The following NTM variants were observed in gnomAD, a reference collection of about 807,000 sequenced individuals.
NTM encodes the protein neurotrimin, also known as IgLON family member 2.
In NTM, 13 loss-of-function variants were observed where a neutral mutation model predicts 42.1. That is an observed-to-expected ratio of 0.31 (90% CI 0.20 to 0.49). The LOEUF (loss-of-function observed/expected upper bound fraction) is 0.49. NTM is among the 20% of genes least tolerant of loss of function. NTM has a pLI of 0.99. For missense variants in NTM, 373 were observed against 452.8 expected, an observed-to-expected ratio of 0.82 and a Z score of 1.60; for synonymous variants, 187 against 179.2, an observed-to-expected ratio of 1.04 and a Z score of -0.35.
At chr11:131,511,599 T>C (rs1037006634) in intron 1 of NTM, among the ~76,000 whole-genome samples, 2 of 152,194 alleles carry the variant, frequency 1.3e-5, no homozygotes, top group African/African-American at 4.8e-5. Flanking sequence ...CCCGAGGTTA[T>C]ACATATTACG....
At chr11:132,227,983 A>T (rs902073737) in intron 4 of NTM, among the ~76,000 whole-genome samples, 1 of 152,196 alleles carries the variant, frequency 6.6e-6, no homozygotes, top group Non-Finnish European at 1.5e-5. Flanking sequence ...TTAACCCTGC[A>T]TGACCAGATG....
At chr11:131,967,710 C>CT (rs1371570550) in intron 2 of NTM, among the ~76,000 whole-genome samples, 1 of 152,146 alleles carries the variant, frequency 6.6e-6, no homozygotes, top group South Asian at 2.1e-4. Flanking sequence ...TCTTCTCTCT[C>CT]TTTTTTGCTG....
At chr11:132,100,849 A>C (rs936797033) in intron 2 of NTM, among the ~76,000 whole-genome samples, 2 of 152,218 alleles carry the variant, frequency 1.3e-5, no homozygotes, top group Non-Finnish European at 2.9e-5. Context: ...ACTTTACAAA[A>C]TGGAATTTCA....
intron 1 of NTM, among the ~76,000 whole-genome samples, chr11:131,750,070 A>T (rs2082296749): frequency 6.6e-6 from 1 of 152,170 alleles, no homozygotes; most frequent in South Asian, 2.1e-4. Flanking sequence ...GTTTCCCCTG[A>T]CCTTAGGTGG....
At chr11:131,681,291 G>T (rs1197110822) in intron 1 of NTM, among the ~76,000 whole-genome samples, 1 of 51,736 alleles carries the variant, frequency 1.9e-5, no homozygotes, top group Non-Finnish European at 4.6e-5. Context: ...GTGTGTGAGC[G>T]TGTGTGTTTC....
At chr11:131,479,053 G>A (rs1464192128) in intron 1 of NTM, among the ~76,000 whole-genome samples, 1 of 152,150 alleles carries the variant, frequency 6.6e-6, no homozygotes, top group African/African-American at 2.4e-5. Context: ...GCTTAATAAA[G>A]CCTTGTTTAT....
chr11:131,821,392 A>G (rs541843834), intron 1 of NTM, among the ~76,000 whole-genome samples: 3 of 152,336 alleles, frequency 2.0e-5, no homozygotes, highest in South Asian at 2.1e-4. Context: ...TCAGTTACCC[A>G]GAGCTCTGAG....
At chr11:132,080,904 G>T (rs1405590505) in intron 2 of NTM, among the ~76,000 whole-genome samples, 1 of 152,160 alleles carries the variant, frequency 6.6e-6, no homozygotes, top group Admixed American at 6.6e-5. Context: ...CTGTGTTCCT[G>T]ATATGTACCC....
intron 1 of NTM, among the ~76,000 whole-genome samples, chr11:131,731,038 T>C (rs1168579017): frequency 2.0e-5 from 3 of 152,218 alleles, no homozygotes; most frequent in Admixed American, 6.5e-5. Flanking sequence ...GAAATACTTT[T>C]AAGTTTAAGA....
At chr11:131,915,136 A>G (rs373855298) in intron 2 of NTM, among the ~76,000 whole-genome samples, 10 of 152,204 alleles carry the variant, frequency 6.6e-5, no homozygotes, top group African/African-American at 1.7e-4. Flanking sequence ...GAAATAGACA[A>G]TTATTCCCGG....
In NTM at chr11:132,275,226, G is replaced by A. The variant is rs1231720153; in HGVS notation, c.527-32463G>A. Among the ~76,000 whole-genome samples, 4 of 152,044 alleles carry A rather than the reference G, an allele frequency of 2.6e-5. No homozygotes were observed. In the South Asian group the frequency reaches 8.3e-4, roughly 32 times the overall value. On this transcript the variant is annotated intron_variant, in intron 4 of 8. Coordinates refer to ENST00000683400, the MANE Select transcript of NTM (RefSeq NM_001352005.2). ...TTATTTTTTATATGATGTAAGGAAG[G>A]CATTGAGATATTTTTTCATTTTTCT...
chr11:131,614,205 A>T (rs76592147), intron 1 of NTM, among the ~76,000 whole-genome samples: 2,152 of 152,232 alleles, frequency 0.014, 48 homozygotes, highest in African/African-American at 0.048. Flanking sequence ...TGCAGAAAAC[A>T]GGCCTCTAAA....
intron 4 of NTM, among the ~76,000 whole-genome samples, chr11:132,241,452 TC>T (rs1028777693): frequency 2.6e-5 from 4 of 151,892 alleles, no homozygotes; most frequent in African/African-American, 9.7e-5. Flanking sequence ...TTAGTCCTCA[TC>T]CCCCCCAGCA....
chr11:132,172,049 T>A (rs555396862), intron 3 of NTM, among the ~76,000 whole-genome samples: 1 of 152,336 alleles, frequency 6.6e-6, no homozygotes, highest in Admixed American at 6.5e-5. Context: ...TGACTCCACA[T>A]TGGTGCCTTA....
chr11:131,687,456 G>A (rs965292614), intron 1 of NTM, among the ~76,000 whole-genome samples: 1 of 152,190 alleles, frequency 6.6e-6, no homozygotes, highest in Admixed American at 6.5e-5. Flanking sequence ...GGTCCCGGCA[G>A]AGCCCTCTGC....
At chr11:132,204,341 AC>A (rs1402376208) in intron 3 of NTM, among the ~76,000 whole-genome samples, 1 of 152,260 alleles carries the variant, frequency 6.6e-6, no homozygotes, top group African/African-American at 2.4e-5. Flanking sequence ...TTGAGAGAAT[AC>A]AGTAATTCAT....
chr11:131,402,009 T>C (rs1378493156), intron 1 of NTM, among the ~76,000 whole-genome samples: 1 of 151,026 alleles, frequency 6.6e-6, no homozygotes, highest in African/African-American at 2.4e-5. Context: ...CTTGCTCTTG[T>C]GGAATAGCAT....
rs1017253089 is a variant in NTM, at chr11:131,677,393, C to A, written c.83-234171C>A. Among the ~76,000 whole-genome samples the A allele has an allele frequency of 3.3e-5, 5 of 152,186 alleles. No individual in the cohort carries two copies. The East Asian group carries it at 7.7e-4, about 23-fold the overall frequency. The stretch of plus-strand genomic sequence containing the variant: ...ACTCTAGCAAAGTGCTAGACCAATG[C>A]AATCGTTTATTATTTATTTTTAACA... On this transcript the variant is annotated intron_variant, in intron 1 of 8. Coordinates refer to ENST00000683400, the MANE Select transcript of NTM (RefSeq NM_001352005.2).
intron 1 of NTM, among the ~76,000 whole-genome samples, chr11:131,778,102 A>G (rs1454841637): frequency 6.6e-6 from 1 of 152,218 alleles, no homozygotes; most frequent in African/African-American, 2.4e-5. Context: ...CACTCAATAC[A>G]TAGGATGAAA....
Sources: allele counts gnomAD v4.1 joint callset (sites outside exome capture counted in the v4.1 genomes callset), GRCh38; gene constraint gnomAD v4.1.1; transcripts MANE v1.5; gene names NCBI Gene and HGNC (gene_info 2026-07-23, HGNC 2026-07-21).